AP3D1: variants seen among roughly 807,000 people sequenced by gnomAD.
AP3D1 encodes AP-3 complex subunit delta-1.
AP3D1 carries 51 observed loss-of-function variants against 147.6 expected under a neutral mutation model. That is an observed-to-expected ratio of 0.35 (90% CI 0.28 to 0.44). The LOEUF is 0.44. Ranked by LOEUF, AP3D1 falls within the 20% of genes least tolerant of loss-of-function variation. AP3D1 has a pLI of 1.00. For missense variants in AP3D1, 1,421 were observed against 1,624.2 expected, an observed-to-expected ratio of 0.87 and a Z score of 2.15; for synonymous variants, 760 against 663.0, an observed-to-expected ratio of 1.15 and a Z score of -2.25.
chr19:2,150,074 G>A (rs989795582), intron 1 of AP3D1, among the ~76,000 whole-genome samples: 51 of 152,212 alleles, frequency 3.4e-4, no homozygotes, highest in Admixed American at 2.6e-3. Flanking sequence ...ACCACTTCCA[G>A]GAAAGTGTAA....
intron 1 of AP3D1, among the ~76,000 whole-genome samples, chr19:2,142,035 T>A (rs933848889): frequency 5.3e-5 from 8 of 151,784 alleles, no homozygotes; most frequent in African/African-American, 1.9e-4. Context: ...TATGTATCTT[T>A]TGAGACAGAG....
At chr19:2,136,938 G>A (rs1424555288) in intron 4 of AP3D1, 73 bp downstream of exon 4, 14 of 1,373,600 alleles carry the variant, frequency 1.0e-5, no homozygotes, top group Admixed American at 3.9e-5. Context: ...AGGAAGACGC[G>A]TGTGGGAACC....
At chr19:2,117,392 C>G (rs1887524864) in intron 15 of AP3D1, 25 bp from the exon 16 acceptor site, 3 of 1,554,842 alleles carry the variant, frequency 1.9e-6, no homozygotes, top group African/African-American at 2.7e-5. Flanking sequence ...GGGGTCACTG[C>G]TGGCACCTGC....
At chr19:2,111,120 C>A in intron 26 of AP3D1, 165 bp downstream of exon 26, 1 of 1,004,352 alleles carries the variant, frequency 1.0e-6, no homozygotes, top group Admixed American at 2.5e-5. Flanking sequence ...TGTCTCCAAC[C>A]TTACCCCAAG....
At chr19:2,157,256 A>C (rs1299504049) in intron 1 of AP3D1, among the ~76,000 whole-genome samples, 4 of 150,944 alleles carry the variant, frequency 2.6e-5, no homozygotes, top group African/African-American at 7.3e-5. Context: ...TCCCGGCTAA[A>C]ACGGTGAAAC....
intron 24 of AP3D1, 36 bp downstream of exon 24, chr19:2,112,824 A>G: frequency 6.5e-7 from 1 of 1,535,332 alleles, no homozygotes; most frequent in South Asian, 1.2e-5. Context: ...GGGCTCATGC[A>G]GCCCTCCACA....
At chr19:2,164,430 C>A (rs1472865951) in exon 1 of AP3D1, 3 of 442,476 alleles carry the variant, frequency 6.8e-6, no homozygotes, top group Non-Finnish European at 1.1e-5. Context: ...GGCCGAGGGC[C>A]CCGCGGCTGT....
intron 1 of AP3D1, among the ~76,000 whole-genome samples, chr19:2,146,152 T>G (rs553767054): frequency 6.2e-4 from 94 of 152,240 alleles, no homozygotes; most frequent in Admixed American, 2.0e-3. Flanking sequence ...GCCACCCACG[T>G]CAAGGACCGA....
chr19:2,164,235 C>T, intron 1 of AP3D1: 6 of 1,290,180 alleles, frequency 4.7e-6, no homozygotes, highest in Non-Finnish European at 5.9e-6. Flanking sequence ...GGGCTGAGCC[C>T]GCCGTCTACC....
chr19:2,114,655 T>C (rs1449151784), intron 21 of AP3D1, 93 bp downstream of exon 21: 45 of 330,038 alleles, frequency 1.4e-4, no homozygotes, highest in Middle Eastern at 4.3e-4. Flanking sequence ...CTGCCCACCC[T>C]GCAGAGCCCG....
At chr19:2,108,973 C>T in intron 30 of AP3D1, 113 bp downstream of exon 30, 1 of 1,526,084 alleles carries the variant, frequency 6.6e-7, no homozygotes, top group South Asian at 1.2e-5. Flanking sequence ...CACCCGGGAT[C>T]CCAAAGGGTG....
In AP3D1 at chr19:2,131,668, GCGGGGAC is replaced by G. The variant is rs2018950340; in HGVS notation, c.462+796_462+802del. On this transcript the variant is annotated intron_variant, in intron 5 of 31. Coordinates refer to ENST00000643116, the MANE Select transcript of AP3D1 (RefSeq NM_001261826.3). ...CACCTCCAGGCGGACAGGCAGCCAC[GCGGGGAC>G]TGCGCCCATCGGCCACGATCTAGAC... Among the ~76,000 whole-genome samples the G allele has an allele frequency of 2.4e-5, 2 of 81,926 alleles. 1 individual carries two copies. The highest frequency in any genetic ancestry group is 2.4e-4 in the Admixed American group (2 of 8,442). The allele number at this position is 81,926 out of a possible 152,430, so 53.7% of individuals were successfully genotyped here. A position where few individuals can be genotyped will look rare whatever the true frequency, so the allele number is the denominator to read the frequency against.
At chr19:2,162,959 C>A (rs919359648) in intron 1 of AP3D1, among the ~76,000 whole-genome samples, 1 of 152,104 alleles carries the variant, frequency 6.6e-6, no homozygotes, top group Admixed American at 6.5e-5. Context: ...TTAAAGAGAT[C>A]TAACTTCACC....
Position 2,108,730 on chromosome 19 carries a change from C to T in AP3D1, c.3509G>A (p.Ser1170Asn). Residue 1170 changes from serine (S) to asparagine (N), a missense_variant, in exon 31 of 32, where the codon AGC becomes AAC. Ser to Asn is a conservative substitution (Grantham distance 46). Coordinates refer to ENST00000643116, the MANE Select transcript of AP3D1 (RefSeq NM_001261826.3). ...ERVDSCASMY[S>N]RSIQGHHVCL... ...GACATGGTGGCCCTGGATGGAGCGG[C>T]TGTACATGGAGGCGCAGGAGTCCAC... The T allele has an allele frequency of 6.3e-7, 1 of 1,583,652 alleles. No homozygotes were observed. The highest frequency in any genetic ancestry group is 8.6e-7 in the Non-Finnish European group (1 of 1,165,224).
At position 2,123,414 on chromosome 19, in the gene AP3D1, G is replaced by C. The variant is rs756226413; in HGVS notation, c.907-8C>G. On this transcript the variant is annotated splice_polypyrimidine_tract_variant and splice_region_variant and intron_variant, in intron 10 of 31. Coordinates refer to ENST00000643116, the MANE Select transcript of AP3D1 (RefSeq NM_001261826.3). ...TAATTTCTGAACACAAAGCTGAAAA[G>C]AAGAAAAAAACGATGCTGGTTACAT... 6 of 1,612,632 alleles carry C rather than the reference G, an allele frequency of 3.7e-6. No homozygotes were observed. The highest frequency in any genetic ancestry group is 5.1e-6 in the Non-Finnish European group (6 of 1,179,586).
chr19:2,132,823 G>A (rs925417107), intron 4 of AP3D1, among the ~76,000 whole-genome samples: 7 of 152,204 alleles, frequency 4.6e-5, no homozygotes, highest in Non-Finnish European at 8.8e-5. Context: ...GGATGGGCGC[G>A]GCTGGGAACA....
chr19:2,150,674 C>T (rs1294991823), intron 1 of AP3D1, among the ~76,000 whole-genome samples: 1 of 152,184 alleles, frequency 6.6e-6, no homozygotes, highest in Non-Finnish European at 1.5e-5. Context: ...CAGGGAGCGA[C>T]CTGGACACGC....
intron 9 of AP3D1, among the ~76,000 whole-genome samples, chr19:2,124,318 G>A (rs1243256036): frequency 1.3e-5 from 2 of 152,188 alleles, no homozygotes; most frequent in Admixed American, 6.5e-5. Context: ...CATCCGGCAG[G>A]ACTCCACTGA....
upstream of AP3D1, among the ~76,000 whole-genome samples, chr19:2,155,914 T>G (rs924329159): frequency 4.6e-5 from 7 of 151,000 alleles, no homozygotes; most frequent in Non-Finnish European, 8.9e-5. Flanking sequence ...TTAGCCCGGC[T>G]TGGTGGCGGG....
Sources: allele counts gnomAD v4.1 joint callset (sites outside exome capture counted in the v4.1 genomes callset), GRCh38; gene constraint gnomAD v4.1.1; transcripts MANE v1.5; gene names NCBI Gene and HGNC (gene_info 2026-07-23, HGNC 2026-07-21).